Variants in MAML2 observed in about 807,000 individuals in gnomAD.
MAML2 encodes mastermind-like protein 2.
MAML2 carries 22 observed loss-of-function variants against 96.1 expected under a neutral mutation model. That is an observed-to-expected ratio of 0.23 (90% CI 0.16 to 0.33). MAML2 has a LOEUF of 0.33. MAML2 is among the 10% of genes least tolerant of loss of function. MAML2 has a pLI of 1.00. For synonymous variants in MAML2, 561 were observed against 521.3 expected, an observed-to-expected ratio of 1.08 and a Z score of -1.04; for missense variants, 1,367 against 1,392.4, an observed-to-expected ratio of 0.98 and a Z score of 0.29.
chr11:96,339,623 C>T (rs1020441013), intron 1 of MAML2, among the ~76,000 whole-genome samples: 2 of 152,214 alleles, frequency 1.3e-5, no homozygotes, highest in African/African-American at 2.4e-5. Context: ...GGTTCCATCC[C>T]CAGAAACACT....
At chr11:96,142,067 T>G (rs753986813) in intron 1 of MAML2, among the ~76,000 whole-genome samples, 8 of 152,234 alleles carry the variant, frequency 5.3e-5, no homozygotes, top group Non-Finnish European at 1.2e-4. Context: ...ATCCCTAATG[T>G]CATGGTGCTC....
chr11:96,178,852 C>T (rs186768325), intron 1 of MAML2, among the ~76,000 whole-genome samples: 8 of 152,286 alleles, frequency 5.3e-5, no homozygotes, highest in Admixed American at 2.6e-4. Flanking sequence ...TTCTAGGCAA[C>T]ACAATCTCTT....
chr11:96,208,142 A>G (rs1458678633), intron 1 of MAML2, among the ~76,000 whole-genome samples: 39 of 152,178 alleles, frequency 2.6e-4, no homozygotes, highest in Non-Finnish European at 4.4e-5. Flanking sequence ...TTTTTCATCT[A>G]CTGTATTCTC....
chr11:96,230,905 T>C (rs1460881449), intron 1 of MAML2, among the ~76,000 whole-genome samples: 1 of 152,258 alleles, frequency 6.6e-6, no homozygotes. Flanking sequence ...CCTTATTTAA[T>C]GTCCTCATGG....
At chr11:96,219,784 C>T (rs958105781) in intron 1 of MAML2, among the ~76,000 whole-genome samples, 2 of 152,112 alleles carry the variant, frequency 1.3e-5, no homozygotes, top group Non-Finnish European at 2.9e-5. Context: ...TGCCACGATA[C>T]CCAGCTAATT....
At chr11:96,010,215 T>C (rs1858245794) in intron 2 of MAML2, among the ~76,000 whole-genome samples, 1 of 152,228 alleles carries the variant, frequency 6.6e-6, no homozygotes, top group Admixed American at 6.5e-5. Context: ...GGATACATAT[T>C]TAAACATAGA....
chr11:96,190,037 A>C (rs532684042), intron 1 of MAML2, among the ~76,000 whole-genome samples: 142 of 152,328 alleles, frequency 9.3e-4, no homozygotes, highest in African/African-American at 3.2e-3. Flanking sequence ...ATGATTTCAC[A>C]CTGAAAATTT....
intron 2 of MAML2, among the ~76,000 whole-genome samples, chr11:96,042,180 G>T (rs1858825125): frequency 6.6e-6 from 1 of 152,124 alleles, no homozygotes; most frequent in South Asian, 2.1e-4. Flanking sequence ...GTTTTACCGT[G>T]TTAGCCAGGA....
At chr11:96,313,893 C>A (rs776871099) in intron 1 of MAML2, among the ~76,000 whole-genome samples, 27 of 152,174 alleles carry the variant, frequency 1.8e-4, no homozygotes, top group Non-Finnish European at 3.7e-4. Flanking sequence ...ACCCTAGAAT[C>A]TGCAGTTTAT....
At chr11:96,302,536 T>A (rs754074949) in intron 1 of MAML2, among the ~76,000 whole-genome samples, 2 of 152,168 alleles carry the variant, frequency 1.3e-5, no homozygotes, top group Admixed American at 1.3e-4. Flanking sequence ...CTCCTGGAGG[T>A]TGGGGAGAAT....
At chr11:96,235,284 T>C (rs958661711) in intron 1 of MAML2, among the ~76,000 whole-genome samples, 1 of 152,226 alleles carries the variant, frequency 6.6e-6, no homozygotes, top group African/African-American at 2.4e-5. Flanking sequence ...TAAAGTTTTA[T>C]TGGAACATAG....
At chr11:96,040,627 C>A (rs939003364) in intron 2 of MAML2, among the ~76,000 whole-genome samples, 2 of 152,058 alleles carry the variant, frequency 1.3e-5, no homozygotes, top group Admixed American at 6.5e-5. Flanking sequence ...ATTAGCTGGG[C>A]ATGGTGGTGG....
At chr11:96,097,872 AT>A (rs1418013388) in intron 1 of MAML2, among the ~76,000 whole-genome samples, 1 of 152,090 alleles carries the variant, frequency 6.6e-6, no homozygotes, top group Non-Finnish European at 1.5e-5. Context: ...TTATATACCC[AT>A]TTCATAAGTG....
intron 1 of MAML2, among the ~76,000 whole-genome samples, chr11:96,234,998 A>T (rs1442477644): frequency 6.6e-6 from 1 of 152,176 alleles, no homozygotes; most frequent in Non-Finnish European, 1.5e-5. Flanking sequence ...CTGAAAAATG[A>T]CTCTTCAATA....
At chr11:96,143,628 A>G (rs1321473263) in intron 1 of MAML2, among the ~76,000 whole-genome samples, 2 of 152,118 alleles carry the variant, frequency 1.3e-5, no homozygotes, top group Non-Finnish European at 2.9e-5. Context: ...CCCTGTTCAG[A>G]GACAAATAAA....
chr11:95,986,784 CTG>C, intron 3 of MAML2, among the ~76,000 whole-genome samples: 1 of 152,172 alleles, frequency 6.6e-6, no homozygotes, highest in East Asian at 1.9e-4. Context: ...CCTTGCTACT[CTG>C]TTTCTCAGCT....
intron 1 of MAML2, among the ~76,000 whole-genome samples, chr11:96,310,894 C>A (rs1863533588): frequency 6.6e-6 from 1 of 152,166 alleles, no homozygotes. Context: ...ATCATTTATG[C>A]AAATGTAGGT....
At chr11:96,091,401 C>G (rs1041945249) in intron 2 of MAML2, among the ~76,000 whole-genome samples, 4 of 152,152 alleles carry the variant, frequency 2.6e-5, no homozygotes, top group Admixed American at 6.5e-5. Context: ...GGAGTCATCG[C>G]AGGATCATTA....
chr11:96,092,324 C>G lies in MAML2; in HGVS notation c.1707G>C (p.Gln569His). 1 of 1,599,448 alleles carries G rather than the reference C, an allele frequency of 6.3e-7. No individual in the cohort carries two copies. The highest frequency in any genetic ancestry group is 8.5e-7 in the Non-Finnish European group (1 of 1,172,724). The change falls in exon 2 of 5, where the codon CAG (glutamine) becomes CAC (histidine). Residue 569 changes from glutamine to histidine, a missense_variant. By Grantham distance (24) the Gln-to-His change is conservative (BLOSUM62 0). Transcript: ENST00000524717. The surrounding 1 kb of genome is among the most constrained non-coding windows in gnomAD (Gnocchi z 4.1). ...GGGAAGGCAAAACAGAAGGCATCTG[C>G]TGGTTCGCTTGATCTGAGTTAAAAT... The part of the protein sequence containing the change: ...LFHFNSDQAN[Q>H]QMPSVLPSQN...
Sources: allele counts gnomAD v4.1 joint callset (sites outside exome capture counted in the v4.1 genomes callset), GRCh38; gene constraint gnomAD v4.1.1; non-coding constraint Gnocchi (gnomAD v3.1); transcripts MANE v1.5; gene names NCBI Gene and HGNC (gene_info 2026-07-23, HGNC 2026-07-21).